Variants in MEGF11 observed in about 807,000 individuals in gnomAD.
MEGF11 encodes the protein multiple EGF like domains 11.
Under a neutral mutation model 146.6 loss-of-function variants are expected in MEGF11, and 126 were observed. The observed-to-expected ratio is 0.86, with a 90% CI of 0.74 to 1.00. The LOEUF is 1.00. Ranked by LOEUF, MEGF11 falls within the 50% of genes least tolerant of loss-of-function variation. The pLI is 0.00. For synonymous variants in MEGF11, 532 were observed against 583.4 expected, an observed-to-expected ratio of 0.91 and a Z score of 1.27; for missense variants, 1,509 against 1,521.2, an observed-to-expected ratio of 0.99 and a Z score of 0.13.
At chr15:66,249,074 C>G (rs1490655671) in intron 1 of MEGF11, among the ~76,000 whole-genome samples, 1 of 152,216 alleles carries the variant, frequency 6.6e-6, no homozygotes. Context: ...ACAAACTCTC[C>G]TCTTCCTGCT....
intron 1 of MEGF11, among the ~76,000 whole-genome samples, chr15:66,246,121 G>A (rs2092293132): frequency 6.6e-6 from 1 of 152,126 alleles, no homozygotes; most frequent in African/African-American, 2.4e-5. Context: ...GCCAGGCATG[G>A]TGGTGCAAGC....
intron 5 of MEGF11, among the ~76,000 whole-genome samples, chr15:66,015,490 A>G (rs1036267880): frequency 6.6e-6 from 1 of 152,208 alleles, no homozygotes; most frequent in African/African-American, 2.4e-5. Flanking sequence ...TAAAGATGAA[A>G]GATAAAACAG....
intron 14 of MEGF11, 67 bp from the exon 15 acceptor site, chr15:65,922,539 G>T: frequency 6.8e-7 from 1 of 1,475,548 alleles, no homozygotes; most frequent in Non-Finnish European, 9.0e-7. Context: ...TACCCTTCCT[G>T]TTCCACACTT....
intron 1 of MEGF11, among the ~76,000 whole-genome samples, chr15:66,218,648 GC>G (rs893331291): frequency 3.3e-5 from 5 of 149,870 alleles, no homozygotes; most frequent in African/African-American, 1.3e-4. Context: ...ACAAAAGGTG[GC>G]CCCCTGGGAA....
rs556071422 is a variant in MEGF11 at position 66,159,151 on chromosome 15, G to T, written c.-8-30740C>A. On this transcript the variant is annotated intron_variant, in intron 1 of 25. Transcript: ENST00000395614. ...TGATCTCATTTGATTTCAAACAATT[G>T]TCTCACAGTTATTGCTGCCTCCACT... 4.6e-5 allele frequency among the ~76,000 whole-genome samples: 7 copies of T among 152,310 alleles called. No individual in the cohort carries two copies. In the East Asian group the frequency reaches 1.3e-3, roughly 29 times the overall value.
At chr15:65,930,744 T>C in intron 11 of MEGF11, 79 bp downstream of exon 11, 1 of 1,476,648 alleles carries the variant, frequency 6.8e-7, no homozygotes, top group Non-Finnish European at 9.1e-7. Context: ...CAGCCCCACC[T>C]GAGACCCCTC....
At chr15:66,182,210 C>T (rs972161987) in intron 1 of MEGF11, among the ~76,000 whole-genome samples, 18 of 152,144 alleles carry the variant, frequency 1.2e-4, no homozygotes, top group Non-Finnish European at 2.4e-4. Context: ...GTCCTCATAC[C>T]CCTCCACGGG....
At chr15:66,072,925 C>A (rs575341226) in intron 5 of MEGF11, among the ~76,000 whole-genome samples, 1 of 152,352 alleles carries the variant, frequency 6.6e-6, no homozygotes, top group South Asian at 2.1e-4. Flanking sequence ...AAGGTGGCAA[C>A]TTTTGCAAGG....
intron 5 of MEGF11, among the ~76,000 whole-genome samples, chr15:65,999,273 T>A (rs564117481): frequency 6.6e-6 from 1 of 152,006 alleles, no homozygotes; most frequent in Non-Finnish European, 1.5e-5. Context: ...CAAGCCATTA[T>A]CTGGCCATGG....
At chr15:66,138,912 G>A (rs1479351173) in intron 1 of MEGF11, among the ~76,000 whole-genome samples, 2 of 152,186 alleles carry the variant, frequency 1.3e-5, no homozygotes, top group African/African-American at 2.4e-5. Flanking sequence ...TACTGGGGGT[G>A]CACAGGGGGA....
At chr15:66,133,157 G>A (rs183016995) in intron 1 of MEGF11, among the ~76,000 whole-genome samples, 1 of 152,312 alleles carries the variant, frequency 6.6e-6, no homozygotes, top group Non-Finnish European at 1.5e-5. Flanking sequence ...CACCAATCTG[G>A]TGGCATCAGA....
intron 1 of MEGF11, among the ~76,000 whole-genome samples, chr15:66,218,008 C>G (rs1365854531): frequency 2.6e-5 from 4 of 152,190 alleles, no homozygotes; most frequent in Non-Finnish European, 4.4e-5. Context: ...GCTCTTGGCA[C>G]ATGTCCCCAG....
intron 1 of MEGF11, among the ~76,000 whole-genome samples, chr15:66,245,399 G>A (rs2092280446): frequency 6.6e-6 from 1 of 152,096 alleles, no homozygotes; most frequent in Non-Finnish European, 1.5e-5. Context: ...AGGGCAAGGT[G>A]GGAGGACTGC....
At chr15:65,965,363 C>A in intron 8 of MEGF11, 1 of 438,850 alleles carries the variant, frequency 2.3e-6, no homozygotes, top group Non-Finnish European at 4.0e-6. Flanking sequence ...TTTGTACCAC[C>A]ATATTTTATT....
At chr15:65,990,254 C>T (rs1445394074) in intron 5 of MEGF11, among the ~76,000 whole-genome samples, 1 of 152,010 alleles carries the variant, frequency 6.6e-6, no homozygotes, top group East Asian at 1.9e-4. Flanking sequence ...AAGATGTCCC[C>T]ATTCAGAAAT....
In MEGF11 at chr15:65,898,853, G is replaced by T. The variant is rs1410930261; in HGVS notation, c.3137C>A (p.Pro1046Gln). The change falls in exon 25 of 26, where the codon CCA (proline) becomes CAA (glutamine). Residue 1046 changes from proline (P) to glutamine (Q), a missense_variant. By Grantham distance (76) the Pro-to-Gln change is moderately conservative. Coordinates refer to ENST00000395614, the MANE Select transcript of MEGF11 (RefSeq NM_001385028.1). The part of the protein sequence containing the change: ...SENPYATIKD[P>Q]PILTCKLPES... ...TGGAAGCTTGCAGGTGAGGATGGGTGGGTCCTTAATTGTGGCGTAAGGGTT... is the reference window on the plus strand; with the variant it reads ...TGGAAGCTTGCAGGTGAGGATGGGTTGGTCCTTAATTGTGGCGTAAGGGTT... The T allele has an allele frequency of 6.2e-7, 1 of 1,613,842 alleles. No homozygotes were observed. Among genetic ancestry groups the T allele is most frequent in the Non-Finnish European group, 8.5e-7 (1 of 1,179,852 alleles).
intron 24 of MEGF11, chr15:65,901,808 A>C (rs1237848615): frequency 2.0e-5 from 3 of 152,178 alleles, no homozygotes. Flanking sequence ...AGGTCATTTG[A>C]AACTTGTTAC....
chr15:65,989,267 G>A (rs957968663), intron 5 of MEGF11, among the ~76,000 whole-genome samples: 2 of 152,210 alleles, frequency 1.3e-5, no homozygotes, highest in African/African-American at 4.8e-5. Context: ...GCAAGCAGGA[G>A]GAGTTGGCCT....
chr15:66,209,664 G>C (rs1289620917), intron 1 of MEGF11, among the ~76,000 whole-genome samples: 1 of 151,978 alleles, frequency 6.6e-6, no homozygotes, highest in Non-Finnish European at 1.5e-5. Flanking sequence ...ATTCATAAAG[G>C]TTACATACTA....
Sources: allele counts gnomAD v4.1 joint callset (sites outside exome capture counted in the v4.1 genomes callset), GRCh38; gene constraint gnomAD v4.1.1; transcripts MANE v1.5; gene names NCBI Gene and HGNC (gene_info 2026-07-23, HGNC 2026-07-21).